FBF1: variants seen among roughly 807,000 people sequenced by gnomAD.
FBF1 encodes the protein Fas binding factor 1, also known as fas-binding factor 1.
A neutral mutation model predicts 147.2 loss-of-function variants in FBF1; 119 were observed. The observed-to-expected ratio is 0.81, with a 90% CI of 0.70 to 0.94. FBF1 has a LOEUF of 0.94. Ranked by LOEUF, FBF1 falls within the 40% of genes least tolerant of loss-of-function variation. FBF1 has a pLI of 0.00. For synonymous variants in FBF1, 601 were observed against 609.0 expected (o/e 0.99, Z 0.19); for missense variants, 1,449 against 1,500.8 (o/e 0.97, Z 0.57).
Position 75,926,303 on chromosome 17 carries a change from C to T in FBF1, c.719G>A (p.Arg240Lys). Residue 240 changes from arginine (R) to lysine (K), a missense_variant, in exon 11 of 30, where the codon AGG (arginine) becomes AAG (lysine). Coordinates refer to ENST00000636174, the MANE Select transcript of FBF1 (RefSeq NM_001319193.2). ...GGATCCTTACTGGTCTCCTATCTGCCTCTTCTCTGCTTTGGGGCTGTCTCC... is the reference window on the plus strand; with the variant it reads ...GGATCCTTACTGGTCTCCTATCTGCTTCTTCTCTGCTTTGGGGCTGTCTCC... ...GFGDSPKAEK[R>K]QIGDQEGPRP... The T allele has an allele frequency of 6.2e-7, 1 of 1,613,444 alleles. No individual in the cohort carries two copies. The highest frequency in any genetic ancestry group is 1.1e-5 in the South Asian group (1 of 90,948).
chr17:75,925,916 A>G lies in FBF1; in HGVS notation c.868+114T>C, dbSNP rs2065558030. The G allele has an allele frequency of 2.9e-6, 4 of 1,375,938 alleles. No individual in the cohort carries two copies. The highest frequency in any genetic ancestry group is 3.9e-6 in the Non-Finnish European group (4 of 1,033,574). The allele number at this position is 1,375,938 out of a possible 1,614,324, so 85.2% of individuals were successfully genotyped here. A position where few individuals can be genotyped will look rare whatever the true frequency, so the allele number is the denominator to read the frequency against. ...TATTTTGTCTCAGCTATAGACGTGTATAATCACATGTGTGTATCAGGATGT... is the reference window on the plus strand; with the variant it reads ...TATTTTGTCTCAGCTATAGACGTGTGTAATCACATGTGTGTATCAGGATGT... On this transcript the variant is annotated intron_variant, in intron 12 of 29. Transcript: ENST00000636174. The surrounding 1 kb of genome is among the most constrained non-coding windows in gnomAD (Gnocchi z 5.0).
intron 28 of FBF1, chr17:75,913,482 TGAGTCCA>T: frequency 2.3e-6 from 1 of 436,798 alleles, no homozygotes; most frequent in Non-Finnish European, 4.0e-6. Context: ...TTTTTTTTCC[TGAGTCCA>T]GAGTTACAAA....
Position 75,926,844 on chromosome 17 carries a change from T to C in FBF1, c.509A>G (p.Tyr170Cys), listed in dbSNP as rs947035095. ...CTGCTTGGTGATTCCTCCTTCATCA[T>C]AGGAGAGAAGTCCTCTCAATGGGTC... ...LEDPLRGLLS[Y>C]DEGGITKQPP... is the part of the protein sequence containing the mutation. Residue 170 changes from tyrosine to cysteine, a missense_variant, in exon 10 of 30, where the codon TAT (tyrosine) becomes TGT (cysteine). Transcript: ENST00000636174. 7 of 1,613,392 alleles carry C rather than the reference T, an allele frequency of 4.3e-6. No homozygotes were observed. The highest frequency in any genetic ancestry group is 1.3e-5 in the African/African-American group (1 of 74,946).
In FBF1 at chr17:75,925,517, T is replaced by C. The variant is rs1209433855; in HGVS notation, c.869-71A>G. The C allele has an allele frequency of 7.5e-7, 1 of 1,325,950 alleles. No individual in the cohort carries two copies. Among genetic ancestry groups the C allele is most frequent in the Admixed American group, 2.1e-5 (1 of 46,566 alleles). The allele number at this position is 1,325,950 out of a possible 1,614,324, so 82.1% of individuals were successfully genotyped here. On this transcript the variant is annotated intron_variant, in intron 12 of 29. Transcript: ENST00000636174. The surrounding 1 kb of genome is among the most constrained non-coding windows in gnomAD (Gnocchi z 5.0). ...AAGCTCATTTGCGGCTGCAAAATTC[T>C]AACAAAAGCTGAATTTGGTAGCTTG...
At position 75,914,810 on chromosome 17, in the gene FBF1, G is replaced by A. The variant is rs745896743; in HGVS notation, c.2751C>T (p.Arg917=). Residue 917 remains arginine, a synonymous_variant, in exon 25 of 30, where the codon CGC becomes CGT. Coordinates refer to ENST00000636174, the MANE Select transcript of FBF1 (RefSeq NM_001319193.2). The stretch of plus-strand genomic sequence containing the variant: ...CCACCTGCAATGCCCGCTCGGCCTC[G>A]CGCTCGGCCCGCTCCTTACTCAGCT... ...QQKLSKERAE[R]EAERALQVDT... 1.9e-6 allele frequency: 3 copies of A among 1,569,714 alleles called. No individual in the cohort carries two copies. Among genetic ancestry groups the A allele is most frequent in the South Asian group, 2.3e-5 (2 of 85,934 alleles).
At position 75,922,646 on chromosome 17, in the gene FBF1, G is replaced by C. The variant is rs139148222; in HGVS notation, c.1424+540C>G. Among the ~76,000 whole-genome samples the C allele has an allele frequency of 1.3e-5, 2 of 152,086 alleles. No individual in the cohort carries two copies. The highest frequency in any genetic ancestry group is 1.3e-4 in the Admixed American group (2 of 15,276). ...CACTTCCTCTGGACTCCCCCAGCCT[G>C]CTGGCCCCTTGTGCCTTCCTGCCTT... On this transcript the variant is annotated intron_variant, in intron 14 of 29. Transcript: ENST00000636174. This position sits in a 1 kb window ranked among gnomAD's most constrained non-coding sequence, Gnocchi z 5.0.
In FBF1 at chr17:75,923,101, G is replaced by C. The variant is rs1729989101; in HGVS notation, c.1424+85C>G. ...GCCTTGTTCCCCAACTGCTGACTGA[G>C]GCTGCAACAGGTGAAGGGGCAAAGG... On this transcript the variant is annotated intron_variant, in intron 14 of 29. Transcript: ENST00000636174. This position sits in a 1 kb window ranked among gnomAD's most constrained non-coding sequence, Gnocchi z 4.1. 7.5e-7 allele frequency: 1 copy of C among 1,329,398 alleles called. No homozygotes were observed. The highest frequency in any genetic ancestry group is 1.0e-6 in the Non-Finnish European group (1 of 984,416). The allele number at this position is 1,329,398 out of a possible 1,614,324, so 82.4% of individuals were successfully genotyped here.
In FBF1 at chr17:75,922,974, G is replaced by T. The variant is rs1336765178; in HGVS notation, c.1424+212C>A. On this transcript the variant is annotated intron_variant, in intron 14 of 29. Coordinates refer to ENST00000636174, the MANE Select transcript of FBF1 (RefSeq NM_001319193.2). The surrounding 1 kb of genome is among the most constrained non-coding windows in gnomAD (Gnocchi z 5.0). ...TGAATGTCAACAGCCCTCCTTCTTGGGTATGTCCCTGGGGCAAGCCTGGGA... is the reference window on the plus strand; with the variant it reads ...TGAATGTCAACAGCCCTCCTTCTTGTGTATGTCCCTGGGGCAAGCCTGGGA... 1.3e-5 allele frequency among the ~76,000 whole-genome samples: 2 copies of T among 152,226 alleles called. No homozygotes were observed. Among genetic ancestry groups the T allele is most frequent in the African/African-American group, 4.8e-5 (2 of 41,458 alleles).
rs1340589738 is a variant in FBF1, at chr17:75,909,700, G to A, written c.*1023C>T. 6.9e-6 allele frequency: 4 copies of A among 580,730 alleles called. No homozygotes were observed. Among genetic ancestry groups the A allele is most frequent in the Admixed American group, 3.0e-5 (1 of 33,782 alleles). The allele number at this position is 580,730 out of a possible 1,614,324, so 36.0% of individuals were successfully genotyped here. On this transcript the variant is annotated 3_prime_UTR_variant, in exon 30 of 30. Transcript: ENST00000636174. ...GTGCCACCGCAGACCGCAGGTGCTG[G>A]AGGGGAGAGGCACGTGGCCAGAGGC...
chr17:75,910,147 G>C lies in FBF1; in HGVS notation c.*576C>G. On this transcript the variant is annotated 3_prime_UTR_variant, in exon 30 of 30. Coordinates refer to ENST00000636174, the MANE Select transcript of FBF1 (RefSeq NM_001319193.2). The surrounding 1 kb of genome is among the most constrained non-coding windows in gnomAD (Gnocchi z 4.1). The stretch of plus-strand genomic sequence containing the variant: ...ATGCTGGGAATAGGGTGGGGGCTCT[G>C]GGCAAGCCCAGGAGGAGGAGGGCCT... 2.3e-6 allele frequency: 1 copy of C among 438,432 alleles called. No homozygotes were observed. The highest frequency in any genetic ancestry group is 4.4e-6 in the Non-Finnish European group (1 of 226,202). 27.2% of individuals were successfully genotyped at this position (438,432 alleles called of 1,614,324 possible).
At chr17:75,935,574 A>T (rs2065619367) in intron 4 of FBF1, 58 bp downstream of exon 4, 2 of 1,500,814 alleles carry the variant, frequency 1.3e-6, no homozygotes, top group Admixed American at 2.1e-5. Context: ...CAACATAGTA[A>T]GAAAAAAAAG....
At chr17:75,920,837 G>T (rs542095560) in intron 17 of FBF1, among the ~76,000 whole-genome samples, 1 of 151,852 alleles carries the variant, frequency 6.6e-6, no homozygotes, top group Non-Finnish European at 1.5e-5. Flanking sequence ...TCCTGGGGGG[G>T]GGGGGGGCAC....
rs11461635 is a variant in FBF1 at position 75,938,864 on chromosome 17, C to CAAA, written c.-83-635_-83-633dup. ...TGGGCAACAGAGCAAGACTCCATCTCAAAAAAAAAAAAAGATGTAGGTTTA... is the reference window on the plus strand; with the variant it reads ...TGGGCAACAGAGCAAGACTCCATCTCAAAAAAAAAAAAAAAAGATGTAGGTTTA... On this transcript the variant is annotated intron_variant, in intron 1 of 29. Coordinates refer to ENST00000636174, the MANE Select transcript of FBF1 (RefSeq NM_001319193.2). Among the ~76,000 whole-genome samples, 471 of 135,792 alleles carry CAAA rather than the reference C, an allele frequency of 3.5e-3. 1 individual carries two copies. The highest frequency in any genetic ancestry group is 0.012 in the African/African-American group (437 of 36,854). 89.1% of individuals were successfully genotyped at this position (135,792 alleles called of 152,430 possible). A position where few individuals can be genotyped will look rare whatever the true frequency, so the allele number is the denominator to read the frequency against.
chr17:75,923,108 A>T lies in FBF1; in HGVS notation c.1424+78T>A. 7.3e-7 allele frequency: 1 copy of T among 1,375,140 alleles called. No individual in the cohort carries two copies. The highest frequency in any genetic ancestry group is 2.5e-5 in the East Asian group (1 of 39,724). 85.2% of individuals were successfully genotyped at this position (1,375,140 alleles called of 1,614,324 possible). A position where few individuals can be genotyped will look rare whatever the true frequency, so the allele number is the denominator to read the frequency against. ...TCCCCAACTGCTGACTGAGGCTGCA[A>T]CAGGTGAAGGGGCAAAGGGGCTCCT... On this transcript the variant is annotated intron_variant, in intron 14 of 29. Transcript: ENST00000636174. The surrounding 1 kb of genome is among the most constrained non-coding windows in gnomAD (Gnocchi z 4.1).
At chr17:75,937,792 T>A (rs937088567) in intron 2 of FBF1, 199 bp from the exon 3 acceptor site, 2 of 672,002 alleles carry the variant, frequency 3.0e-6, no homozygotes, top group African/African-American at 3.6e-5. Flanking sequence ...ACAGCCCTGC[T>A]AACCAGCGAT....
chr17:75,914,973 G>T, intron 24 of FBF1, 41 bp from the exon 25 acceptor site: 1 of 1,612,210 alleles, frequency 6.2e-7, no homozygotes, highest in Non-Finnish European at 8.5e-7. Context: ...GTGTCCCTGG[G>T]CATAATGGCA....
chr17:75,935,498 A>T, intron 4 of FBF1, 134 bp downstream of exon 4: 2 of 881,142 alleles, frequency 2.3e-6, no homozygotes, highest in Non-Finnish European at 1.7e-6. Flanking sequence ...TATGCCTGTA[A>T]TCCCAGCACT....
At chr17:75,926,899 C>CAGGTCAG in intron 9 of FBF1, 22 bp from the exon 10 acceptor site, 1 of 1,600,906 alleles carries the variant, frequency 6.2e-7, no homozygotes, top group African/African-American at 1.3e-5. Context: ...AGGGAAAGCA[C>CAGGTCAG]AGGTCAGACT....
Position 75,913,728 on chromosome 17 carries a change from T to C in FBF1, c.3221A>G (p.Gln1074Arg). ...SSLVGLFPRA[Q>R]GPAASSQSAL... ...ACTCTGGCTGGAGGCTGCAGGGCCC[T>C]GGGCCCTGGGGAACAGACCCACGAG... The change falls in exon 28 of 30, where the codon CAG (glutamine) becomes CGG (arginine). Residue 1074 changes from glutamine (Q) to arginine (R), a missense_variant. Gln to Arg is a conservative substitution (Grantham distance 43). Transcript: ENST00000636174. The C allele has an allele frequency of 6.3e-7, 1 of 1,599,592 alleles. No homozygotes were observed.
Sources: gnomAD v4.1 joint callset for allele counts (sites outside exome capture counted in the v4.1 genomes callset) on GRCh38, gnomAD v4.1.1 for gene constraint, Gnocchi (gnomAD v3.1) non-coding constraint, MANE v1.5 for transcripts, NCBI Gene and HGNC (gene_info 2026-07-23, HGNC 2026-07-21) for gene names.